The following FBXL17 variants were observed in gnomAD, a reference collection of about 807,000 sequenced individuals.
FBXL17 encodes F-box and leucine rich repeat protein 17, also known as F-box/LRR-repeat protein 17.
Under a neutral mutation model 66.2 loss-of-function variants are expected in FBXL17, and 22 were observed. The observed-to-expected ratio is 0.33, with a 90% CI of 0.24 to 0.47. The LOEUF (loss-of-function observed/expected upper bound fraction) is 0.47. Among genes scored for constraint, FBXL17 ranks in the 20% least tolerant of loss-of-function variants. FBXL17 has a pLI of 1.00. For synonymous variants in FBXL17, 474 were observed against 400.5 expected (o/e 1.18, Z -2.19); for missense variants, 878 against 948.2 (o/e 0.93, Z 0.97).
At chr5:108,302,634 T>C (rs1267140805) in intron 4 of FBXL17, among the ~76,000 whole-genome samples, 2 of 151,820 alleles carry the variant, frequency 1.3e-5, no homozygotes, top group African/African-American at 4.8e-5. Flanking sequence ...TTAATTTTAC[T>C]ATATTTAAAT....
intron 8 of FBXL17, among the ~76,000 whole-genome samples, chr5:107,874,327 T>C (rs1748547780): frequency 6.6e-6 from 1 of 152,180 alleles, no homozygotes; most frequent in African/African-American, 2.4e-5. Flanking sequence ...GATACAAGAT[T>C]CCAGAGCAGG....
At chr5:107,926,674 G>C (rs935804689) in intron 7 of FBXL17, among the ~76,000 whole-genome samples, 1 of 151,692 alleles carries the variant, frequency 6.6e-6, no homozygotes, top group Non-Finnish European at 1.5e-5. Context: ...AGAAGTAAAT[G>C]CTTCCTTTTT....
intron 4 of FBXL17, among the ~76,000 whole-genome samples, chr5:108,337,269 AAAG>A (rs1254530513): frequency 1.3e-5 from 2 of 151,904 alleles, no homozygotes; most frequent in Non-Finnish European, 2.9e-5. Flanking sequence ...AAAAAAAAAA[AAAG>A]AATTTTCCCA....
At chr5:108,071,935 C>T (rs1748350033) in intron 6 of FBXL17, among the ~76,000 whole-genome samples, 1 of 152,032 alleles carries the variant, frequency 6.6e-6, no homozygotes, top group African/African-American at 2.4e-5. Context: ...ATCTAATATG[C>T]CAAATAATTC....
chr5:108,135,140 T>C (rs1751085545), intron 6 of FBXL17, among the ~76,000 whole-genome samples: 1 of 151,944 alleles, frequency 6.6e-6, no homozygotes, highest in Non-Finnish European at 1.5e-5. Flanking sequence ...AGAGTACCAA[T>C]GGATATCATC....
rs1321905104 is a variant in FBXL17 at position 108,173,117 on chromosome 5, T to C, written c.1745+13000A>G. Among the ~76,000 whole-genome samples the C allele has an allele frequency of 3.3e-5, 5 of 152,252 alleles. No individual in the cohort carries two copies. The East Asian group carries it at 7.7e-4, about 24-fold the overall frequency. On this transcript the variant is annotated intron_variant, in intron 6 of 8. Coordinates refer to ENST00000542267, the MANE Select transcript of FBXL17 (RefSeq NM_001163315.3). ...TGCCCGGCCAACAGCAGTTTTCTAATTGAACATTCCACAACAAATAGCATC... is the reference window on the plus strand; with the variant it reads ...TGCCCGGCCAACAGCAGTTTTCTAACTGAACATTCCACAACAAATAGCATC...
intron 6 of FBXL17, among the ~76,000 whole-genome samples, chr5:108,036,393 G>A (rs1005959497): frequency 1.3e-5 from 2 of 152,094 alleles, no homozygotes; most frequent in Non-Finnish European, 2.9e-5. Flanking sequence ...TCTGAATATG[G>A]ATACCTTTAG....
chr5:108,380,256 A>G (rs1749749405), intron 1 of FBXL17, among the ~76,000 whole-genome samples: 1 of 152,236 alleles, frequency 6.6e-6, no homozygotes, highest in Non-Finnish European at 1.5e-5. Context: ...GTGCCTGATT[A>G]TGGTAAATGC....
chr5:108,270,311 T>C (rs556527020), intron 4 of FBXL17, among the ~76,000 whole-genome samples: 30 of 152,028 alleles, frequency 2.0e-4, no homozygotes, highest in Admixed American at 1.1e-3. Context: ...ATTCCACTCA[T>C]AGGTTGAGAA....
At chr5:107,969,047 A>G (rs577020419) in intron 7 of FBXL17, among the ~76,000 whole-genome samples, 2 of 152,252 alleles carry the variant, frequency 1.3e-5, no homozygotes, top group East Asian at 3.9e-4. Context: ...GTTTGATGAC[A>G]AAGTTTTACT....
chr5:108,030,047 G>A (rs968230190), intron 6 of FBXL17, among the ~76,000 whole-genome samples: 4 of 152,048 alleles, frequency 2.6e-5, no homozygotes, highest in Admixed American at 6.6e-5. Context: ...TGTAGTATAC[G>A]TGTACATGTA....
intron 6 of FBXL17, among the ~76,000 whole-genome samples, chr5:108,184,258 T>C (rs1193050995): frequency 6.6e-6 from 1 of 152,144 alleles, no homozygotes; most frequent in Non-Finnish European, 1.5e-5. Flanking sequence ...ACGCCATCTC[T>C]ACTAAAAATA....
intron 4 of FBXL17, among the ~76,000 whole-genome samples, chr5:108,243,140 A>G (rs185219216): frequency 3.3e-3 from 510 of 152,330 alleles, no homozygotes; most frequent in Non-Finnish European, 5.2e-3. Context: ...AAAGAGATTG[A>G]TAAGTTATGT....
chr5:108,031,238 G>A (rs900734657), intron 6 of FBXL17, among the ~76,000 whole-genome samples: 4 of 152,068 alleles, frequency 2.6e-5, no homozygotes, highest in Non-Finnish European at 5.9e-5. Flanking sequence ...AATTACTAAG[G>A]AGCCCAAATT....
intron 7 of FBXL17, among the ~76,000 whole-genome samples, chr5:107,943,335 C>G (rs570046935): frequency 1.8e-4 from 27 of 152,214 alleles, no homozygotes; most frequent in Non-Finnish European, 2.5e-4. Flanking sequence ...CATCTTCCCC[C>G]ACAAACAGAA....
intron 6 of FBXL17, among the ~76,000 whole-genome samples, chr5:108,120,922 T>A (rs1412773774): frequency 6.6e-5 from 10 of 152,178 alleles, no homozygotes; most frequent in East Asian, 3.8e-4. Flanking sequence ...GTATTTTTTT[T>A]ATAAAAAAAG....
intron 7 of FBXL17, among the ~76,000 whole-genome samples, chr5:108,014,871 A>G (rs1047511007): frequency 1.3e-5 from 2 of 152,204 alleles, no homozygotes; most frequent in African/African-American, 2.4e-5. Context: ...CACATCTTAC[A>G]TGTCAGCAGG....
At chr5:108,349,269 G>A (rs1288139749) in intron 3 of FBXL17, among the ~76,000 whole-genome samples, 1 of 152,142 alleles carries the variant, frequency 6.6e-6, no homozygotes, top group East Asian at 1.9e-4. Flanking sequence ...AAGAAATTAT[G>A]CATATTTAAA....
chr5:107,989,043 A>C (rs962351559), intron 7 of FBXL17, among the ~76,000 whole-genome samples: 1 of 151,958 alleles, frequency 6.6e-6, no homozygotes, highest in African/African-American at 2.4e-5. Context: ...TATGGGGTAC[A>C]GGCGACATTT....
Sources: allele counts gnomAD v4.1 joint callset (sites outside exome capture counted in the v4.1 genomes callset), GRCh38; gene constraint gnomAD v4.1.1; transcripts MANE v1.5; gene names NCBI Gene and HGNC (gene_info 2026-07-23, HGNC 2026-07-21).